The following TMEM268 variants were observed in gnomAD, a reference collection of about 807,000 sequenced individuals.
The protein encoded by TMEM268 is transmembrane protein 268, also known as transmembrane protein C9orf91.
TMEM268 carries 24 observed loss-of-function variants against 39.1 expected under a neutral mutation model. The observed-to-expected ratio is 0.61, with a 90% CI of 0.44 to 0.86. The LOEUF (loss-of-function observed/expected upper bound fraction) is 0.86. TMEM268 is among the 40% of genes least tolerant of loss of function. The pLI is 0.00. For synonymous variants in TMEM268, 176 were observed against 173.5 expected (o/e 1.01, Z -0.12); for missense variants, 409 against 428.6 (o/e 0.95, Z 0.40).
At chr9:114,613,459 A>G (rs1219483046) in intron 1 of TMEM268, among the ~76,000 whole-genome samples, 1 of 152,214 alleles carries the variant, frequency 6.6e-6, no homozygotes, top group Non-Finnish European at 1.5e-5. Flanking sequence ...CATGGATCTC[A>G]GAATTATATC....
chr9:114,606,392 C>T (rs1564278115), upstream of TMEM268, among the ~76,000 whole-genome samples: 1 of 152,218 alleles, frequency 6.6e-6, no homozygotes, highest in Non-Finnish European at 1.5e-5. Flanking sequence ...TATTTAGTCC[C>T]AAGCTCTCAC....
At chr9:114,617,454 C>G (rs1237575228) in intron 2 of TMEM268, among the ~76,000 whole-genome samples, 153 bp downstream of exon 2, 1 of 152,196 alleles carries the variant, frequency 6.6e-6, no homozygotes, top group East Asian at 1.9e-4. Context: ...GGCCTTAGAC[C>G]AAGCCACCAT....
chr9:114,605,249 T>G, the TMEM268 span, among the ~76,000 whole-genome samples: 524 of 152,372 alleles, frequency 3.4e-3, 26 homozygotes, highest in South Asian at 0.073. Flanking sequence ...CAGAGTGTTT[T>G]TCTCTTGTCA....
At chr9:114,630,105 T>G (rs956209369) in intron 5 of TMEM268, among the ~76,000 whole-genome samples, 1 of 152,230 alleles carries the variant, frequency 6.6e-6, no homozygotes, top group African/African-American at 2.4e-5. Flanking sequence ...AGGGAATGCC[T>G]GCTTTGGCTC....
At chr9:114,632,760 G>C (rs958957015) in intron 5 of TMEM268, among the ~76,000 whole-genome samples, 4 of 152,180 alleles carry the variant, frequency 2.6e-5, no homozygotes, top group African/African-American at 4.8e-5. Flanking sequence ...TATGAACCTT[G>C]ACAGAGTCCC....
chr9:114,631,879 T>A (rs1032317341), intron 5 of TMEM268, among the ~76,000 whole-genome samples: 3 of 152,086 alleles, frequency 2.0e-5, no homozygotes, highest in Non-Finnish European at 4.4e-5. Flanking sequence ...GGTGGGAGAA[T>A]TGCTTGAACC....
At chr9:114,637,434 A>G (rs1280167809) in intron 7 of TMEM268, among the ~76,000 whole-genome samples, 2 of 151,802 alleles carry the variant, frequency 1.3e-5, no homozygotes, top group Non-Finnish European at 2.9e-5. Flanking sequence ...CTGGAATTAC[A>G]GGTGCCTGCC....
Position 114,637,014 on chromosome 9 carries a change from G to C in TMEM268, c.610G>C (p.Glu204Gln). ...IQLWFVYFDLENCVQFLSDHV... is the reference protein window; with the variant it reads ...IQLWFVYFDLQNCVQFLSDHV... ...GCTTTGGTTTGTCTACTTCGACCTG[G>C]AGAACTGTGTGCAGTTTTTGTCTGA... Residue 204 changes from glutamate (E) to glutamine (Q), a missense_variant, in exon 7 of 9, where the codon GAG becomes CAG. Coordinates refer to ENST00000288502, the MANE Select transcript of TMEM268 (RefSeq NM_153045.4). The C allele has an allele frequency of 6.2e-7, 1 of 1,613,514 alleles. No individual in the cohort carries two copies. The highest frequency in any genetic ancestry group is 8.5e-7 in the Non-Finnish European group (1 of 1,179,540).
intron 1 of TMEM268, among the ~76,000 whole-genome samples, chr9:114,613,040 A>G (rs1170548169): frequency 6.6e-6 from 1 of 152,236 alleles, no homozygotes; most frequent in Non-Finnish European, 1.5e-5. Flanking sequence ...AAACCTCACA[A>G]CCACCTGAAG....
intron 8 of TMEM268, 27 bp from the exon 9 acceptor site, chr9:114,643,107 T>C (rs369125354): frequency 7.0e-5 from 113 of 1,613,512 alleles, no homozygotes; most frequent in African/African-American, 9.3e-5. Flanking sequence ...CCCTGTGGTA[T>C]TCAATCTGCT....
intron 3 of TMEM268, among the ~76,000 whole-genome samples, chr9:114,625,443 C>CTTTTTT (rs34082825): frequency 8.2e-6 from 1 of 121,746 alleles, no homozygotes; most frequent in African/African-American, 3.1e-5. Flanking sequence ...ACTTCTTCTT[C>CTTTTTT]TTTTTTTTTT....
At chr9:114,630,241 C>T (rs1222057040) in intron 5 of TMEM268, among the ~76,000 whole-genome samples, 2 of 151,840 alleles carry the variant, frequency 1.3e-5, no homozygotes, top group African/African-American at 4.8e-5. Context: ...TGGCCCAGGA[C>T]TGACACTATT....
At position 114,633,891 on chromosome 9, in the gene TMEM268, A is replaced by C; in HGVS notation, c.585+13A>C. 2 of 1,485,956 alleles carry C rather than the reference A, an allele frequency of 1.3e-6. No homozygotes were observed. The highest frequency in any genetic ancestry group is 1.8e-6 in the Non-Finnish European group (2 of 1,087,290). 92.0% of individuals were successfully genotyped at this position (1,485,956 alleles called of 1,614,324 possible). On this transcript the variant is annotated intron_variant, in intron 6 of 8. Transcript: ENST00000288502. Reference sequence around the variant, plus strand: ...GAGTGTGATTCAGGTGCTGTGTCTCATAGTTACCTCTTCCTGATGGCCCAG... The same window carrying C: ...GAGTGTGATTCAGGTGCTGTGTCTCCTAGTTACCTCTTCCTGATGGCCCAG...
At chr9:114,621,082 A>C (rs1238224524) in intron 2 of TMEM268, among the ~76,000 whole-genome samples, 1 of 152,142 alleles carries the variant, frequency 6.6e-6, no homozygotes, top group East Asian at 1.9e-4. Flanking sequence ...TCAGGCCTGT[A>C]ATCCCAGCAC....
At chr9:114,630,808 A>C (rs1262630573) in intron 5 of TMEM268, among the ~76,000 whole-genome samples, 1 of 152,186 alleles carries the variant, frequency 6.6e-6, no homozygotes, top group East Asian at 1.9e-4. Flanking sequence ...ATGGCCACAC[A>C]GCCCTTCTCA....
chr9:114,615,584 A>AACTGGTTAGTCTAGAACTGGCGTTTAC, intron 1 of TMEM268: 1 of 152,278 alleles, frequency 6.6e-6, no homozygotes, highest in African/African-American at 2.4e-5. Context: ...CTGGCGTTTA[A>AACTGGTTAGTCTAGAACTGGCGTTTAC]ACTGGTTAGT....
At chr9:114,634,664 G>T (rs1374969433) in intron 6 of TMEM268, among the ~76,000 whole-genome samples, 1 of 152,282 alleles carries the variant, frequency 6.6e-6, no homozygotes, top group East Asian at 1.9e-4. Context: ...CCTGGTGGGA[G>T]CCCAGAGGTA....
chr9:114,624,475 CT>C lies in TMEM268; in HGVS notation c.216+18del. The C allele has an allele frequency of 1.3e-6, 2 of 1,556,760 alleles. No individual in the cohort carries two copies. Among genetic ancestry groups the C allele is most frequent in the Non-Finnish European group, 1.7e-6 (2 of 1,149,168 alleles). On this transcript the variant is annotated intron_variant, in intron 3 of 8. Coordinates refer to ENST00000288502, the MANE Select transcript of TMEM268 (RefSeq NM_153045.4). Reference sequence around the variant, plus strand: ...GGGCATCCAGGTGAGTGCTGATTTCCTTGAATCCCTACCATTTTCTCTTTCA... The same window carrying C: ...GGGCATCCAGGTGAGTGCTGATTTCCTGAATCCCTACCATTTTCTCTTTCA...
intron 2 of TMEM268, among the ~76,000 whole-genome samples, chr9:114,621,594 T>C (rs1845948568): frequency 6.6e-6 from 1 of 151,564 alleles, no homozygotes; most frequent in South Asian, 2.1e-4. Context: ...TCAGTTATGG[T>C]AGGTTTAGCA....
Sources: gnomAD v4.1 joint callset for allele counts (sites outside exome capture counted in the v4.1 genomes callset) on GRCh38, gnomAD v4.1.1 for gene constraint, MANE v1.5 for transcripts, NCBI Gene and HGNC (gene_info 2026-07-23, HGNC 2026-07-21) for gene names.